The following FANCM variants were observed in gnomAD, a reference collection of about 807,000 sequenced individuals.
FANCM encodes Fanconi anemia group M protein.
A neutral mutation model predicts 199.5 loss-of-function variants in FANCM; 140 were observed. The ratio of observed to expected loss-of-function variants is 0.70; its 90% CI spans 0.61 to 0.81. The LOEUF (loss-of-function observed/expected upper bound fraction) is 0.81, where lower values mean the gene tolerates loss of function less well. FANCM is among the 30% of genes least tolerant of loss of function. The pLI, the probability that FANCM is intolerant of heterozygous loss-of-function variation, is 0.00. For synonymous variants in FANCM, 840 were observed against 836.8 expected (o/e 1.00, Z -0.07); for missense variants, 2,410 against 2,421.4 (o/e 1.00, Z 0.10).
rs1162918001 is a variant in FANCM at position 45,176,148 on chromosome 14, G to C, written c.3394G>C (p.Glu1132Gln). 1 of 1,614,064 alleles carries C rather than the reference G, an allele frequency of 6.2e-7. No individual in the cohort carries two copies. The highest frequency in any genetic ancestry group is 1.1e-5 in the South Asian group (1 of 91,074). Residue 1132 changes from glutamate (E) to glutamine (Q), a missense_variant, in exon 14 of 23, where the codon GAA (glutamate) becomes CAA (glutamine). Glu to Gln is a conservative substitution (Grantham distance 29, BLOSUM62 2). Coordinates refer to ENST00000267430, the MANE Select transcript of FANCM (RefSeq NM_020937.4). ...DLPVLSTDQD[E>Q]SLLLFEDVNT... ...CCCAGTATTGTCCACTGATCAAGAT[G>C]AAAGTTTGCTGTTATTTGAAGATGT...
At chr14:45,145,975 CG>C (rs1886340670) in intron 3 of FANCM, among the ~76,000 whole-genome samples, 1 of 146,070 alleles carries the variant, frequency 6.8e-6, no homozygotes, top group Non-Finnish European at 1.5e-5. Context: ...AGGAGAATGG[CG>C]TGAACCCGGG....
chr14:45,176,224 A>C lies in FANCM; in HGVS notation c.3470A>C (p.Glu1157Ala), dbSNP rs762868017. 1.2e-6 allele frequency: 2 copies of C among 1,614,078 alleles called. No homozygotes were observed. The highest frequency in any genetic ancestry group is 1.7e-6 in the Non-Finnish European group (2 of 1,179,938). Residue 1157 changes from glutamate to alanine, a missense_variant, in exon 14 of 23, where the codon GAA becomes GCA. Coordinates refer to ENST00000267430, the MANE Select transcript of FANCM (RefSeq NM_020937.4). ...CTTTCACCCTTGAACAGTAAAAGCG[A>C]ATCTTTACCTGTGTCAGACAAAACT... ...VSLSPLNSKSESLPVSDKTAI... is the reference protein window; with the variant it reads ...VSLSPLNSKSASLPVSDKTAI...
At chr14:45,159,339 C>CT (rs1887420847) in intron 9 of FANCM, 59 bp downstream of exon 9, 46 of 1,324,418 alleles carry the variant, frequency 3.5e-5, no homozygotes, top group Non-Finnish European at 4.4e-5. Context: ...TGCACTTGTT[C>CT]TTTTTTTGTT....
intron 18 of FANCM, 79 bp from the exon 19 acceptor site, chr14:45,187,702 A>T (rs904627571): frequency 2.9e-6 from 2 of 684,364 alleles, no homozygotes; most frequent in Non-Finnish European, 5.3e-6. Context: ...GTAAATTTGA[A>T]ATAGATTGAA....
chr14:45,166,434 G>T (rs904832443), intron 10 of FANCM, among the ~76,000 whole-genome samples: 7 of 152,242 alleles, frequency 4.6e-5, no homozygotes, highest in African/African-American at 1.7e-4. Flanking sequence ...ACCGCACCCA[G>T]CCTGAAATGA....
chr14:45,154,011 C>T lies in FANCM; in HGVS notation c.1142C>T (p.Ser381Leu), dbSNP rs765686151. Reference sequence around the variant, plus strand: ...TTATTGCAGCAAATGGGAATGAGATCATTATATTTCTTCCTTTGTGGAATT... The same window carrying T: ...TTATTGCAGCAAATGGGAATGAGATTATTATATTTCTTCCTTTGTGGAATT... Reference protein sequence around the residue: ...YELLQQMGMRSLYFFLCGIMD... With the variant: ...YELLQQMGMRLLYFFLCGIMD... The change falls in exon 6 of 23, where the codon TCA becomes TTA. Residue 381 changes from serine to leucine, a missense_variant. Transcript: ENST00000267430. The T allele has an allele frequency of 6.3e-7, 1 of 1,575,648 alleles. No homozygotes were observed. Among genetic ancestry groups the T allele is most frequent in the Non-Finnish European group, 8.7e-7 (1 of 1,145,334 alleles).
chr14:45,171,572 C>T (rs149377187), intron 12 of FANCM, among the ~76,000 whole-genome samples: 24 of 152,126 alleles, frequency 1.6e-4, no homozygotes, highest in East Asian at 5.8e-4. Flanking sequence ...TGGGAACATA[C>T]GATGTTTGGT....
At chr14:45,160,340 T>C (rs897649029) in intron 9 of FANCM, among the ~76,000 whole-genome samples, 3 of 150,090 alleles carry the variant, frequency 2.0e-5, no homozygotes, top group African/African-American at 7.3e-5. Context: ...TTTTTAATTT[T>C]GAAATGGAGT....
At chr14:45,154,102 C>A in intron 6 of FANCM, 50 bp downstream of exon 6, 1 of 1,393,360 alleles carries the variant, frequency 7.2e-7, no homozygotes, top group Non-Finnish European at 1.0e-6. Flanking sequence ...ATTATTTTGG[C>A]TAAAGACATA....
chr14:45,166,060 A>G (rs1216018837), intron 10 of FANCM, among the ~76,000 whole-genome samples: 1 of 152,132 alleles, frequency 6.6e-6, no homozygotes. Flanking sequence ...TAACAAAGAT[A>G]GATTTACTTT....
chr14:45,176,922 A>C lies in FANCM; in HGVS notation c.4168A>C (p.Lys1390Gln), dbSNP rs1268214476. Residue 1390 changes from lysine (K) to glutamine (Q), a missense_variant, in exon 14 of 23, where the codon AAG (lysine) becomes CAG (glutamine). Lys to Gln is a moderately conservative substitution (Grantham distance 53). Coordinates refer to ENST00000267430, the MANE Select transcript of FANCM (RefSeq NM_020937.4). ...TFDYSEFSLEKSKSSGPMYLH... is the reference protein window; with the variant it reads ...TFDYSEFSLEQSKSSGPMYLH... The stretch of plus-strand genomic sequence containing the variant: ...TGATTATTCAGAATTTTCTCTAGAA[A>C]AGTCTAAAAGCAGTGGTCCAATGTA... The C allele has an allele frequency of 6.2e-7, 1 of 1,611,500 alleles. No individual in the cohort carries two copies. The highest frequency in any genetic ancestry group is 1.7e-4 in the Middle Eastern group (1 of 6,026).
At chr14:45,185,432 A>G in intron 18 of FANCM, 59 bp downstream of exon 18, 2 of 1,006,680 alleles carry the variant, frequency 2.0e-6, no homozygotes, top group Non-Finnish European at 2.9e-6. Context: ...TTATATTTAA[A>G]TATTTTAATC....
chr14:45,186,561 T>C (rs1234022970), intron 18 of FANCM, among the ~76,000 whole-genome samples: 1 of 152,196 alleles, frequency 6.6e-6, no homozygotes, highest in African/African-American at 2.4e-5. Context: ...TTCGTGACTT[T>C]TAAGAAAAAA....
intron 3 of FANCM, among the ~76,000 whole-genome samples, chr14:45,147,445 A>G (rs1444929077): frequency 6.6e-6 from 1 of 151,952 alleles, no homozygotes; most frequent in Non-Finnish European, 1.5e-5. Context: ...CCACTTCGCC[A>G]GCAATTGTCA....
rs2139102705 is a variant in FANCM, at chr14:45,136,370, C to T, written c.339C>T (p.Thr113=). 3 of 1,614,162 alleles carry T rather than the reference C, an allele frequency of 1.9e-6. No individual in the cohort carries two copies. Among genetic ancestry groups the T allele is most frequent in the Non-Finnish European group, 2.5e-6 (3 of 1,180,034 alleles). Residue 113 remains threonine, a synonymous_variant, in exon 1 of 23, where the codon ACC becomes ACT. Transcript: ENST00000267430. ...GCAATACGCTGGTGTGTCTGCCTAC[C>T]GGACTGGGAAAGACCTTTATTGCCG... ...LFCNTLVCLP[T]GLGKTFIAAV... is the part of the protein sequence containing the mutation.
In FANCM at chr14:45,158,379, G is replaced by C. The variant is rs370503185; in HGVS notation, c.1397-717G>C. 1.2e-4 allele frequency among the ~76,000 whole-genome samples: 19 copies of C among 152,060 alleles called. No individual in the cohort carries two copies. In the East Asian group the frequency reaches 3.3e-3, roughly 26 times the overall value. On this transcript the variant is annotated intron_variant, in intron 8 of 22. Coordinates refer to ENST00000267430, the MANE Select transcript of FANCM (RefSeq NM_020937.4). ...AATCACCCAGAGAATTAAGTGCCCA[G>C]CCACAAAGATCATGTTCTTATTAGT...
chr14:45,199,883 A>G lies in FANCM; in HGVS notation c.6022A>G (p.Ile2008Val), dbSNP rs763517296. 6.2e-7 allele frequency: 1 copy of G among 1,612,290 alleles called. No homozygotes were observed. ...KRMANSSLQE[I>V]SMYAQVTHQK... Reference sequence around the variant, plus strand: ...TTTATTTTTCAGCTCACTTCAAGAAATCTCCATGTATGCACAAGTAACTCA... The same window carrying G: ...TTTATTTTTCAGCTCACTTCAAGAAGTCTCCATGTATGCACAAGTAACTCA... Residue 2008 changes from isoleucine to valine, a missense_variant, in exon 23 of 23, where the codon ATC becomes GTC. By Grantham distance (29) the Ile-to-Val change is conservative. Transcript: ENST00000267430.
At chr14:45,142,092 G>A (rs890809528) in intron 3 of FANCM, among the ~76,000 whole-genome samples, 2 of 151,966 alleles carry the variant, frequency 1.3e-5, no homozygotes, top group African/African-American at 2.4e-5. Context: ...GTCCTCTCCC[G>A]TCTTCCCCTA....
chr14:45,179,848 C>A (rs1888956726), intron 14 of FANCM, among the ~76,000 whole-genome samples: 1 of 152,114 alleles, frequency 6.6e-6, no homozygotes, highest in Admixed American at 6.6e-5. Context: ...GTGTGAGCCA[C>A]CATGCCTGGC....
Sources: gnomAD v4.1 joint callset for allele counts (sites outside exome capture counted in the v4.1 genomes callset) on GRCh38, gnomAD v4.1.1 for gene constraint, MANE v1.5 for transcripts, NCBI Gene and HGNC (gene_info 2026-07-23, HGNC 2026-07-21) for gene names.